Variants in CLYBL observed in about 807,000 individuals in gnomAD.
CLYBL encodes the protein citramalyl-CoA lyase, also known as citramalyl-CoA lyase, mitochondrial.
Under a neutral mutation model 38.9 loss-of-function variants are expected in CLYBL, and 31 were observed. The observed-to-expected ratio is 0.80, with a 90% CI of 0.60 to 1.08. The LOEUF is 1.08. CLYBL is among the 50% of genes least tolerant of loss of function. CLYBL has a pLI of 0.00. For missense variants in CLYBL, 434 were observed against 411.6 expected (o/e 1.05, Z -0.47); for synonymous variants, 171 against 158.6 (o/e 1.08, Z -0.59).
chr13:99,646,343 G>A (rs2047175683), intron 1 of CLYBL, among the ~76,000 whole-genome samples: 1 of 151,996 alleles, frequency 6.6e-6, no homozygotes, highest in African/African-American at 2.4e-5. Context: ...GGGAAGAAGG[G>A]TTGCTGAAGG....
intron 2 of CLYBL, among the ~76,000 whole-genome samples, chr13:99,816,814 G>C (rs2050458151): frequency 6.6e-6 from 1 of 152,150 alleles, no homozygotes. Context: ...CCCAGTCTAT[G>C]GTATTTTGTT....
chr13:99,713,339 T>C (rs1008038220), intron 1 of CLYBL, among the ~76,000 whole-genome samples: 20 of 146,496 alleles, frequency 1.4e-4, no homozygotes, highest in East Asian at 5.8e-4. Flanking sequence ...TATTTCTTTT[T>C]TTTTTTTTTT....
chr13:99,906,745 A>G (rs1211912341), intron 9 of CLYBL, among the ~76,000 whole-genome samples: 2 of 152,202 alleles, frequency 1.3e-5, no homozygotes, highest in Non-Finnish European at 2.9e-5. Context: ...TTATTACAAG[A>G]TGACTCAGAT....
intron 1 of CLYBL, among the ~76,000 whole-genome samples, chr13:99,747,861 A>C (rs934469124): frequency 2.0e-5 from 3 of 152,222 alleles, no homozygotes; most frequent in African/African-American, 7.2e-5. Flanking sequence ...GAATCTGATC[A>C]ATACGTTTTT....
intron 1 of CLYBL, among the ~76,000 whole-genome samples, chr13:99,741,038 C>T (rs1298884223): frequency 6.6e-6 from 1 of 152,176 alleles, no homozygotes; most frequent in Non-Finnish European, 1.5e-5. Flanking sequence ...CAGACTTCTG[C>T]CTGAAATTCA....
intron 1 of CLYBL, among the ~76,000 whole-genome samples, chr13:99,743,947 CTTTT>C (rs977075373): frequency 4.1e-5 from 5 of 121,758 alleles, no homozygotes; most frequent in African/African-American, 1.5e-4. Context: ...ACTCCACTTT[CTTTT>C]TTTTTCTCTT....
chr13:99,814,771 C>T (rs1319565680), intron 2 of CLYBL, among the ~76,000 whole-genome samples: 5 of 149,600 alleles, frequency 3.3e-5, no homozygotes, highest in Non-Finnish European at 7.4e-5. Flanking sequence ...TGGCTAAAGC[C>T]TATAATCCCA....
intron 2 of CLYBL, among the ~76,000 whole-genome samples, chr13:99,811,872 G>A (rs1454838027): frequency 6.6e-6 from 1 of 152,162 alleles, no homozygotes; most frequent in African/African-American, 2.4e-5. Context: ...AGAAATACAA[G>A]TCTTGACAAG....
intron 1 of CLYBL, among the ~76,000 whole-genome samples, chr13:99,646,662 G>A (rs1004130040): frequency 6.7e-6 from 1 of 150,232 alleles, no homozygotes; most frequent in East Asian, 1.9e-4. Context: ...GCAGGTGCCC[G>A]CTACCACACC....
intron 2 of CLYBL, among the ~76,000 whole-genome samples, chr13:99,838,704 T>C (rs182877256): frequency 2.0e-5 from 3 of 152,314 alleles, no homozygotes; most frequent in South Asian, 2.1e-4. Context: ...GGCGCAATCT[T>C]GGCTCACTGC....
At chr13:99,698,440 C>G (rs544248293) in intron 1 of CLYBL, among the ~76,000 whole-genome samples, 6 of 151,918 alleles carry the variant, frequency 3.9e-5, no homozygotes, top group Non-Finnish European at 8.8e-5. Context: ...ATCAGAATTA[C>G]GTTCAAGCTA....
chr13:99,676,838 C>T (rs2047660282), intron 1 of CLYBL, among the ~76,000 whole-genome samples: 1 of 152,066 alleles, frequency 6.6e-6, no homozygotes, highest in African/African-American at 2.4e-5. Flanking sequence ...CTCTCGACCT[C>T]AGGTGATCTG....
intron 2 of CLYBL, among the ~76,000 whole-genome samples, chr13:99,803,112 A>T (rs1407569606): frequency 6.6e-6 from 1 of 152,172 alleles, no homozygotes; most frequent in Non-Finnish European, 1.5e-5. Context: ...GTCTGACTAG[A>T]CCAACAAGGG....
intron 1 of CLYBL, among the ~76,000 whole-genome samples, chr13:99,676,972 TA>T (rs35020187): frequency 2.8e-3 from 402 of 145,694 alleles, no homozygotes; most frequent in Middle Eastern, 3.6e-3. Context: ...GACTAGAGGT[TA>T]AAAAAAAAAA....
chr13:99,859,115 T>C, intron 3 of CLYBL, 66 bp downstream of exon 3: 1 of 1,352,278 alleles, frequency 7.4e-7, no homozygotes, highest in Non-Finnish European at 1.0e-6. Context: ...GAAGAAGGGA[T>C]CTGGGTGCCA....
intron 1 of CLYBL, among the ~76,000 whole-genome samples, chr13:99,692,862 CATA>C (rs1168672792): frequency 2.0e-5 from 3 of 152,126 alleles, no homozygotes; most frequent in African/African-American, 4.8e-5. Context: ...CTTCACTCTG[CATA>C]ATGTTTTCAA....
intron 1 of CLYBL, among the ~76,000 whole-genome samples, chr13:99,770,876 C>G (rs1434959303): frequency 1.3e-5 from 2 of 151,818 alleles, no homozygotes; most frequent in African/African-American, 4.8e-5. Flanking sequence ...TGTGTGCCAC[C>G]ACACCCAGCT....
At chr13:99,777,727 A>G (rs1206638858) in intron 2 of CLYBL, among the ~76,000 whole-genome samples, 3 of 152,132 alleles carry the variant, frequency 2.0e-5, no homozygotes, top group African/African-American at 7.2e-5. Context: ...TCCTGACCTC[A>G]GGTGATCTGC....
intron 1 of CLYBL, among the ~76,000 whole-genome samples, chr13:99,617,218 A>C (rs1283623056): frequency 1.3e-5 from 2 of 152,156 alleles, no homozygotes; most frequent in Non-Finnish European, 2.9e-5. Flanking sequence ...TAGCCCCAGT[A>C]AAATGAGGGT....
Sources: allele counts gnomAD v4.1 joint callset (sites outside exome capture counted in the v4.1 genomes callset), GRCh38; gene constraint gnomAD v4.1.1; transcripts MANE v1.5; gene names NCBI Gene and HGNC (gene_info 2026-07-23, HGNC 2026-07-21).